The following SLC9A3 variants were observed in gnomAD, a reference collection of about 807,000 sequenced individuals.
The protein encoded by SLC9A3 is sodium/hydrogen exchanger 3.
SLC9A3 carries 37 observed loss-of-function variants against 86.8 expected under a neutral mutation model. The observed-to-expected ratio is 0.43, with a 90% confidence interval of 0.33 to 0.56. The LOEUF (loss-of-function observed/expected upper bound fraction) is 0.56. Among genes scored for constraint, SLC9A3 ranks in the 20% least tolerant of loss-of-function variants. The pLI is 0.06. For missense variants in SLC9A3, 1,011 were observed against 1,171.9 expected, an observed-to-expected ratio of 0.86 and a Z score of 2.00; for synonymous variants, 581 against 528.3, an observed-to-expected ratio of 1.10 and a Z score of -1.37.
At chr5:483,551 G>A (rs977141015) in intron 5 of SLC9A3, 69 bp from the exon 6 acceptor site, 3 of 1,105,268 alleles carry the variant, frequency 2.7e-6, no homozygotes, top group Non-Finnish European at 4.0e-6. Flanking sequence ...TGTCCGCCCA[G>A]CCCCCCACGG....
chr5:494,720 C>T (rs1241849878), intron 1 of SLC9A3, among the ~76,000 whole-genome samples: 1 of 152,212 alleles, frequency 6.6e-6, no homozygotes, highest in Non-Finnish European at 1.5e-5. Flanking sequence ...CGCAGGCTGA[C>T]CCGCGCCTCT....
chr5:475,216 G>A (rs1388328216), intron 15 of SLC9A3, 84 bp from the exon 16 acceptor site: 1 of 1,436,708 alleles, frequency 7.0e-7, no homozygotes, highest in Non-Finnish European at 9.3e-7. Flanking sequence ...CACCTGCTGG[G>A]TGCCTTGGAA....
At chr5:482,331 C>T (rs944156731) in intron 7 of SLC9A3, among the ~76,000 whole-genome samples, 174 bp from the exon 8 acceptor site, 15 of 152,092 alleles carry the variant, frequency 9.9e-5, no homozygotes, top group African/African-American at 3.6e-4. Context: ...GCACCCGGGG[C>T]CTCATCCACC....
chr5:471,450 GCTC>G lies in SLC9A3; in HGVS notation c.*1926_*1928del, dbSNP rs1384649824. On this transcript the variant is annotated 3_prime_UTR_variant, in exon 17 of 17. Coordinates refer to ENST00000264938, the MANE Select transcript of SLC9A3 (RefSeq NM_004174.4). Reference sequence around the variant, plus strand: ...AGACAGGCACTTGGAAGGCAGCTTTGCTCCTCTGGCCACCCGGAAACCTCCCAG... The same window carrying G: ...AGACAGGCACTTGGAAGGCAGCTTTGCTCTGGCCACCCGGAAACCTCCCAG... 6.1e-6 allele frequency: 2 copies of G among 326,316 alleles called. No individual in the cohort carries two copies. Among genetic ancestry groups the G allele is most frequent in the African/African-American group, 4.3e-5 (2 of 46,372 alleles). The allele number at this position is 326,316 out of a possible 1,614,324, so 20.2% of individuals were successfully genotyped here. A position where few individuals can be genotyped will look rare whatever the true frequency, so the allele number is the denominator to read the frequency against.
rs773447561 is a variant in SLC9A3, at chr5:477,462, C to G, written c.1648-18G>C. The G allele has an allele frequency of 6.3e-7, 1 of 1,586,578 alleles. No homozygotes were observed. The highest frequency in any genetic ancestry group is 2.2e-5 in the East Asian group (1 of 44,514). ...CGCTCTCCCTGTGGTCAGGAAGCAG[C>G]CCGGTCAGTGGCCTGAGCAGCCAAG... On this transcript the variant is annotated intron_variant, in intron 10 of 16. Coordinates refer to ENST00000264938, the MANE Select transcript of SLC9A3 (RefSeq NM_004174.4).
intron 1 of SLC9A3, among the ~76,000 whole-genome samples, chr5:505,157 C>CT (rs1176200625): frequency 8.3e-6 from 1 of 119,888 alleles, no homozygotes. Context: ...TTCAGAGGCT[C>CT]TTAAGGGAGG....
intron 4 of SLC9A3, among the ~76,000 whole-genome samples, 180 bp downstream of exon 4, chr5:484,973 C>T (rs1739397034): frequency 6.6e-6 from 1 of 152,212 alleles, no homozygotes; most frequent in Admixed American, 6.5e-5. Flanking sequence ...ACCCAGGAAC[C>T]CCCAGGACCA....
At chr5:482,210 T>G in intron 7 of SLC9A3, 53 bp from the exon 8 acceptor site, 1 of 1,387,778 alleles carries the variant, frequency 7.2e-7, no homozygotes, top group South Asian at 1.2e-5. Context: ...CACATCCCGC[T>G]GGCCCGGCCA....
rs1740103010 is a variant in SLC9A3, at chr5:497,966, CT to C, written c.212-5896del. Among the ~76,000 whole-genome samples the C allele has an allele frequency of 6.6e-6, 1 of 152,264 alleles. No homozygotes were observed. On this transcript the variant is annotated intron_variant, in intron 1 of 16. Transcript: ENST00000264938. This position sits in a 1 kb window ranked among gnomAD's most constrained non-coding sequence, Gnocchi z 5.4. ...GGCACCTGCTGGTCAGCTATGAAGC[CT>C]TAGCCTCGCTTGTGGGAGTCCCTGC...
At chr5:523,066 G>C (rs371867295) in intron 1 of SLC9A3, among the ~76,000 whole-genome samples, 3 of 152,226 alleles carry the variant, frequency 2.0e-5, no homozygotes, top group African/African-American at 7.2e-5. Context: ...GAGGAGGCGG[G>C]AGGGCTCAGA....
In SLC9A3 at chr5:483,455, C is replaced by T; in HGVS notation, c.960G>A (p.Gln320=). 6.3e-7 allele frequency: 1 copy of T among 1,583,738 alleles called. No individual in the cohort carries two copies. The highest frequency in any genetic ancestry group is 1.3e-5 in the African/African-American group (1 of 74,426). Residue 320 remains glutamine, a synonymous_variant, in exon 6 of 17, where the codon CAG becomes CAA. Transcript: ENST00000264938. The part of the protein sequence containing the change: ...LAITFCGICC[Q]KYVKANISEQ... ...CCGAGATGTTGGCCTTCACATACTTCTGACAGCAGATGCCACAGAAGGTGA... is the reference window on the plus strand; with the variant it reads ...CCGAGATGTTGGCCTTCACATACTTTTGACAGCAGATGCCACAGAAGGTGA...
intron 1 of SLC9A3, among the ~76,000 whole-genome samples, chr5:493,729 G>A (rs778850038): frequency 5.3e-5 from 8 of 151,924 alleles, no homozygotes; most frequent in South Asian, 2.1e-4. Context: ...GGGAGGGATC[G>A]GGGTTCAGAG....
Position 475,085 on chromosome 5 carries a change from G to A in SLC9A3, c.2299C>T (p.Leu767Phe). The A allele has an allele frequency of 6.2e-7, 1 of 1,611,140 alleles. No individual in the cohort carries two copies. Among genetic ancestry groups the A allele is most frequent in the Non-Finnish European group, 8.5e-7 (1 of 1,179,052 alleles). Residue 767 changes from leucine to phenylalanine, a missense_variant, in exon 16 of 17, where the codon CTC becomes TTC. Physicochemically the swap from Leu to Phe is conservative, Grantham distance 22 (BLOSUM62 0). This residue lies in a region of SLC9A3 where 397 missense variants were observed against 346.3 expected (regional missense o/e 1.15). Coordinates refer to ENST00000264938, the MANE Select transcript of SLC9A3 (RefSeq NM_004174.4). ...FSPDEALDRSLLARLPPWLSP... is the reference protein window; with the variant it reads ...FSPDEALDRSFLARLPPWLSP... ...AGCCAGGGCGGCAGCCTGGCCAGGA[G>A]GCTGCGGTCCAGGGCCTCGTCCGGA...
rs370778361 is a variant in SLC9A3, at chr5:496,233, C to G, written c.212-4162G>C. On this transcript the variant is annotated intron_variant, in intron 1 of 16. Coordinates refer to ENST00000264938, the MANE Select transcript of SLC9A3 (RefSeq NM_004174.4). This position sits in a 1 kb window ranked among gnomAD's most constrained non-coding sequence, Gnocchi z 4.7. ...CGCCTTTCCCATGTGCGGTGGCGTC[C>G]GAGGGCAGCTCCTGCAGTCTTCAGG... Among the ~76,000 whole-genome samples the G allele has an allele frequency of 4.6e-5, 7 of 152,274 alleles. No individual in the cohort carries two copies. Among genetic ancestry groups the G allele is most frequent in the South Asian group, 2.1e-4 (1 of 4,828 alleles).
rs1389120301 is a variant in SLC9A3, at chr5:497,138, G to C, written c.212-5067C>G. On this transcript the variant is annotated intron_variant, in intron 1 of 16. Transcript: ENST00000264938. This position sits in a 1 kb window ranked among gnomAD's most constrained non-coding sequence, Gnocchi z 5.4. ...CAGAAGGCCCTGCTAGCCTCAGAGAGACAGTCTTTCCACACAGATGTCTGT... is the reference window on the plus strand; with the variant it reads ...CAGAAGGCCCTGCTAGCCTCAGAGACACAGTCTTTCCACACAGATGTCTGT... Among the ~76,000 whole-genome samples the C allele has an allele frequency of 1.3e-5, 2 of 152,180 alleles. No homozygotes were observed. Among genetic ancestry groups the C allele is most frequent in the East Asian group, 1.9e-4 (1 of 5,204 alleles).
rs1392882348 is a variant in SLC9A3, at chr5:471,792, G to A, written c.*1587C>T. 1 of 456,450 alleles carries A rather than the reference G, an allele frequency of 2.2e-6. No individual in the cohort carries two copies. The highest frequency in any genetic ancestry group is 4.4e-6 in the Non-Finnish European group (1 of 226,964). The allele number at this position is 456,450 out of a possible 1,614,324, so 28.3% of individuals were successfully genotyped here. A position where few individuals can be genotyped will look rare whatever the true frequency, so the allele number is the denominator to read the frequency against. ...GGTCGAGAGCTTCTCCGAAGCAGCG[G>A]TCATGCAGGCTTTTGTGTGGCTGAC... On this transcript the variant is annotated 3_prime_UTR_variant, in exon 17 of 17. Coordinates refer to ENST00000264938, the MANE Select transcript of SLC9A3 (RefSeq NM_004174.4).
intron 10 of SLC9A3, chr5:479,521 TC>T (rs975375135): frequency 5.9e-6 from 2 of 337,148 alleles, no homozygotes; most frequent in African/African-American, 4.3e-5. Flanking sequence ...TGGGACCAGG[TC>T]CCGTAACAGC....
At position 507,169 on chromosome 5, in the gene SLC9A3, T is replaced by C. The variant is rs896178570; in HGVS notation, c.212-15098A>G. ...AGGAGGGATCCGGCTGCTGCTTCTT[T>C]TTTTTTTTTTTTTTTTTGAGACGGA... On this transcript the variant is annotated intron_variant, in intron 1 of 16. Coordinates refer to ENST00000264938, the MANE Select transcript of SLC9A3 (RefSeq NM_004174.4). Among the ~76,000 whole-genome samples, 3 of 48,552 alleles carry C rather than the reference T, an allele frequency of 6.2e-5. No homozygotes were observed. The East Asian group carries it at 9.6e-4, about 16-fold the overall frequency. 31.9% of individuals were successfully genotyped at this position (48,552 alleles called of 152,430 possible). A position where few individuals can be genotyped will look rare whatever the true frequency, so the allele number is the denominator to read the frequency against.
intron 1 of SLC9A3, among the ~76,000 whole-genome samples, chr5:523,739 G>C (rs1733951726): frequency 1.3e-5 from 2 of 152,182 alleles, no homozygotes; most frequent in Admixed American, 1.3e-4. Flanking sequence ...ATCACTCCAA[G>C]GACGTTTCTC....
Sources: gnomAD v4.1 joint callset for allele counts (sites outside exome capture counted in the v4.1 genomes callset) on GRCh38, gnomAD v4.1.1 for gene constraint, gnomAD v4.1.1 regional missense constraint, Gnocchi (gnomAD v3.1) non-coding constraint, MANE v1.5 for transcripts, NCBI Gene and HGNC (gene_info 2026-07-23, HGNC 2026-07-21) for gene names.